MAGI2: variants seen among roughly 807,000 people sequenced by gnomAD.
MAGI2 encodes the protein membrane associated guanylate kinase, WW and PDZ domain containing 2, also known as membrane-associated guanylate kinase, WW and PDZ domain-containing protein 2.
In MAGI2, 35 loss-of-function variants were observed where a neutral mutation model predicts 133.3. The observed-to-expected ratio is 0.26, with a 90% CI of 0.20 to 0.35. The LOEUF (loss-of-function observed/expected upper bound fraction) is 0.35, where lower values mean the gene tolerates loss of function less well. Among genes scored for constraint, MAGI2 ranks in the 10% least tolerant of loss-of-function variants. The pLI is 1.00. For missense variants in MAGI2, 1,636 were observed against 1,863.4 expected, an observed-to-expected ratio of 0.88 and a Z score of 2.25; for synonymous variants, 729 against 710.6, an observed-to-expected ratio of 1.03 and a Z score of -0.41.
chr7:79,324,476 G>A (rs546231945), intron 1 of MAGI2, among the ~76,000 whole-genome samples: 3,359 of 32,568 alleles, frequency 0.1, 1,226 homozygotes, highest in Non-Finnish European at 0.17. Context: ...CGTTGTGTGT[G>A]TATATATACA....
At chr7:78,211,028 T>C (rs1399811986) in intron 10 of MAGI2, among the ~76,000 whole-genome samples, 1 of 152,158 alleles carries the variant, frequency 6.6e-6, no homozygotes, top group Admixed American at 6.5e-5. Flanking sequence ...TTTGGTGGGA[T>C]AAGCATGCTA....
intron 1 of MAGI2, among the ~76,000 whole-genome samples, chr7:79,008,540 A>T (rs555951896): frequency 6.6e-6 from 1 of 152,208 alleles, no homozygotes; most frequent in African/African-American, 2.4e-5. Context: ...ATATTTGAGC[A>T]AATGGTCTCT....
intron 6 of MAGI2, among the ~76,000 whole-genome samples, chr7:78,425,296 A>G (rs1004986028): frequency 3.3e-5 from 5 of 152,144 alleles, no homozygotes; most frequent in African/African-American, 9.7e-5. Flanking sequence ...CTTGCCTTCC[A>G]CCGTGATTGT....
intron 6 of MAGI2, among the ~76,000 whole-genome samples, chr7:78,445,825 G>A (rs915731269): frequency 6.6e-6 from 1 of 151,754 alleles, no homozygotes; most frequent in African/African-American, 2.4e-5. Context: ...AATTATACAT[G>A]TGTGAGGTAT....
At chr7:78,194,702 C>A (rs1402227027) in intron 12 of MAGI2, among the ~76,000 whole-genome samples, 172 bp downstream of exon 12, 1 of 152,134 alleles carries the variant, frequency 6.6e-6, no homozygotes, top group Admixed American at 6.5e-5. Flanking sequence ...AATAAACCGA[C>A]TTTTAGAGTC....
At chr7:78,366,618 T>C (rs1275415401) in intron 7 of MAGI2, among the ~76,000 whole-genome samples, 3 of 144,796 alleles carry the variant, frequency 2.1e-5, no homozygotes, top group Non-Finnish European at 4.7e-5. Context: ...TGACAAGATT[T>C]TTGGGATGAT....
intron 15 of MAGI2, among the ~76,000 whole-genome samples, chr7:78,167,390 T>TATC (rs1483270979): frequency 4.6e-5 from 7 of 152,238 alleles, no homozygotes. Flanking sequence ...ATTTCCAATT[T>TATC]ATCTGTTACA....
chr7:78,442,506 T>G (rs1787729190), intron 6 of MAGI2, among the ~76,000 whole-genome samples: 1 of 152,200 alleles, frequency 6.6e-6, no homozygotes, highest in African/African-American at 2.4e-5. Context: ...AAATCCTATC[T>G]AGGCTTGTTA....
At chr7:78,332,973 G>A (rs950788237) in intron 9 of MAGI2, among the ~76,000 whole-genome samples, 1 of 152,168 alleles carries the variant, frequency 6.6e-6, no homozygotes, top group Non-Finnish European at 1.5e-5. Context: ...CTTTTAGAGA[G>A]ACCAAAATGT....
intron 2 of MAGI2, among the ~76,000 whole-genome samples, chr7:78,772,012 A>G (rs1385345889): frequency 6.6e-5 from 10 of 152,198 alleles, no homozygotes; most frequent in Non-Finnish European, 1.0e-4. Flanking sequence ...GGGTGTCCAG[A>G]TGCTAAGACC....
At chr7:78,288,467 T>G (rs1796371047) in intron 9 of MAGI2, among the ~76,000 whole-genome samples, 2 of 152,196 alleles carry the variant, frequency 1.3e-5, no homozygotes, top group South Asian at 4.1e-4. Context: ...GTTCCTTGTT[T>G]TAATTCTTCA....
At chr7:79,247,639 A>C (rs753646938) in intron 1 of MAGI2, among the ~76,000 whole-genome samples, 18 of 151,422 alleles carry the variant, frequency 1.2e-4, no homozygotes, top group Non-Finnish European at 2.1e-4. Flanking sequence ...ACTACTACTA[A>C]TAACTATAAC....
intron 3 of MAGI2, among the ~76,000 whole-genome samples, chr7:78,593,168 G>A (rs1043841223): frequency 6.6e-6 from 1 of 151,064 alleles, no homozygotes; most frequent in Non-Finnish European, 1.5e-5. Flanking sequence ...AGATGAGGGC[G>A]GATCACGAGG....
At chr7:78,156,102 T>A (rs1046112096) in intron 16 of MAGI2, among the ~76,000 whole-genome samples, 1 of 152,214 alleles carries the variant, frequency 6.6e-6, no homozygotes, top group Non-Finnish European at 1.5e-5. Flanking sequence ...TGAATTTCGA[T>A]GATTTCCATT....
At chr7:78,256,794 G>A (rs757819307) in intron 9 of MAGI2, among the ~76,000 whole-genome samples, 59 of 152,064 alleles carry the variant, frequency 3.9e-4, no homozygotes, top group Non-Finnish European at 6.8e-4. Flanking sequence ...AAAGCTATTT[G>A]GTTATTCTTG....
At chr7:78,034,996 A>T (rs1810028409) in intron 21 of MAGI2, 1 of 152,386 alleles carries the variant, frequency 6.6e-6, no homozygotes, top group South Asian at 2.1e-4. Context: ...CTGTAGTTGA[A>T]ACACAGGATG....
At chr7:78,942,306 T>C (rs1228467226) in intron 2 of MAGI2, among the ~76,000 whole-genome samples, 1 of 152,126 alleles carries the variant, frequency 6.6e-6, no homozygotes, top group African/African-American at 2.4e-5. Flanking sequence ...AAATAGAAAG[T>C]TTATCCCCAT....
chr7:79,259,895 G>A (rs1833955451), intron 1 of MAGI2, among the ~76,000 whole-genome samples: 1 of 152,184 alleles, frequency 6.6e-6, no homozygotes. Flanking sequence ...AAGAATTTCA[G>A]AGCTGCAGGG....
rs190165028 is a variant in MAGI2, at chr7:78,380,392, A to G, written c.1046-11179T>C. On this transcript the variant is annotated intron_variant, in intron 6 of 21. Transcript: ENST00000354212. The stretch of plus-strand genomic sequence containing the variant: ...AGTAAAGAAGATGTGCTATATATAT[A>G]CAATGGAGTACTATTCAACCATAAT... 2.4e-3 allele frequency among the ~76,000 whole-genome samples: 365 copies of G among 152,262 alleles called. 1 individual carries two copies. The highest frequency in any genetic ancestry group is 7.2e-3 in the Admixed American group (110 of 15,282).
Sources: gnomAD v4.1 joint callset for allele counts (sites outside exome capture counted in the v4.1 genomes callset) on GRCh38, gnomAD v4.1.1 for gene constraint, MANE v1.5 for transcripts, NCBI Gene and HGNC (gene_info 2026-07-23, HGNC 2026-07-21) for gene names.